The following KDM3B variants were observed in gnomAD, a reference collection of about 807,000 sequenced individuals.
The protein encoded by KDM3B is lysine demethylase 3B, also known as lysine-specific demethylase 3B.
In KDM3B, 10 loss-of-function variants were observed where a neutral mutation model predicts 170.0. The observed-to-expected ratio is 0.06, with a 90% CI of 0.04 to 0.10. KDM3B has a LOEUF of 0.10. Ranked by LOEUF, KDM3B falls within the 10% of genes least tolerant of loss-of-function variation. KDM3B has a pLI of 1.00. For synonymous variants in KDM3B, 831 were observed against 834.8 expected (o/e 1.00, Z 0.08); for missense variants, 1,394 against 2,195.2 (o/e 0.64, Z 7.29).
At chr5:138,423,829 TCTCGAGG>T (rs1763331469) in intron 15 of KDM3B, among the ~76,000 whole-genome samples, 1 of 152,232 alleles carries the variant, frequency 6.6e-6, no homozygotes, top group Non-Finnish European at 1.5e-5. Flanking sequence ...GTCTCAGATC[TCTCGAGG>T]CAAAAGGGAT....
chr5:138,419,482 G>A (rs984342559), intron 14 of KDM3B, among the ~76,000 whole-genome samples: 4 of 151,316 alleles, frequency 2.6e-5, no homozygotes, highest in Admixed American at 2.6e-4. Context: ...GTGAAACCCC[G>A]TCTCTACTAA....
At chr5:138,397,032 T>A (rs1171171276) in intron 9 of KDM3B, among the ~76,000 whole-genome samples, 2 of 151,834 alleles carry the variant, frequency 1.3e-5, no homozygotes, top group East Asian at 3.9e-4. Context: ...CAAACAGTTT[T>A]AAAAAATGAA....
Position 138,352,871 on chromosome 5 carries a change from G to T in KDM3B, c.76G>T (p.Ala26Ser), listed in dbSNP as rs1761361768. 2 of 1,377,632 alleles carry T rather than the reference G, an allele frequency of 1.5e-6. No individual in the cohort carries two copies. The highest frequency in any genetic ancestry group is 9.4e-7 in the Non-Finnish European group (1 of 1,062,490). 85.3% of individuals were successfully genotyped at this position (1,377,632 alleles called of 1,614,324 possible). A position where few individuals can be genotyped will look rare whatever the true frequency, so the allele number is the denominator to read the frequency against. The change falls in exon 1 of 24, where the codon GCC (alanine) becomes TCC (serine). Residue 26 changes from alanine to serine, a missense_variant. Ala to Ser is a moderately conservative substitution (Grantham distance 99). Coordinates refer to ENST00000314358, the MANE Select transcript of KDM3B (RefSeq NM_016604.4). ...LFADTAASAS[A>S]SAPAAAAASG... The stretch of plus-strand genomic sequence containing the variant: ...CGCGGACACTGCGGCCTCAGCCTCG[G>T]CCTCGGCTCCCGCGGCGGCAGCGGC...
chr5:138,391,896 GGCA>G lies in KDM3B; in HGVS notation c.2269_2271del (p.Gln757del). ...GAGGAGAGGCCAACTGTGGGGCCTG[GGCA>G]GCAGGACAATCCCCTCCTCAAAACC... On this transcript the variant is annotated inframe_deletion, in exon 8 of 24. Transcript: ENST00000314358. The surrounding 1 kb of genome is among the most constrained non-coding windows in gnomAD (Gnocchi z 5.0). The G allele has an allele frequency of 6.2e-7, 1 of 1,613,362 alleles. No homozygotes were observed. Among genetic ancestry groups the G allele is most frequent in the African/African-American group, 1.3e-5 (1 of 74,984 alleles).
At chr5:138,360,793 T>C (rs996950584) in intron 1 of KDM3B, among the ~76,000 whole-genome samples, 1 of 152,120 alleles carries the variant, frequency 6.6e-6, no homozygotes, top group Non-Finnish European at 1.5e-5. Flanking sequence ...GGTTTTACCA[T>C]GTTGGCCAGG....
chr5:138,382,980 G>A (rs1762163299), intron 6 of KDM3B, among the ~76,000 whole-genome samples: 1 of 151,984 alleles, frequency 6.6e-6, no homozygotes, highest in Admixed American at 6.6e-5. Context: ...ATAGAACTGG[G>A]GAGTACTGGT....
chr5:138,393,943 A>G (rs1409435458), intron 9 of KDM3B, among the ~76,000 whole-genome samples: 1 of 152,030 alleles, frequency 6.6e-6, no homozygotes, highest in East Asian at 1.9e-4. Context: ...AGTAAATCCA[A>G]ATGGTTTACC....
At chr5:138,398,145 C>T in intron 9 of KDM3B, 33 bp from the exon 10 acceptor site, 1 of 1,546,610 alleles carries the variant, frequency 6.5e-7, no homozygotes, top group South Asian at 1.2e-5. Context: ...TGCGTTGCTC[C>T]TGCGATTTAC....
At chr5:138,415,054 G>T in intron 11 of KDM3B, 78 bp from the exon 12 acceptor site, 1 of 932,080 alleles carries the variant, frequency 1.1e-6, no homozygotes, top group South Asian at 1.8e-5. Context: ...TTGGCCTTTG[G>T]GGTTCTGAAA....
intron 15 of KDM3B, among the ~76,000 whole-genome samples, chr5:138,422,880 C>A (rs1182219592): frequency 2.0e-5 from 3 of 152,114 alleles, no homozygotes; most frequent in African/African-American, 7.2e-5. Flanking sequence ...ATGGCTGAAA[C>A]GTGATGAACT....
intron 12 of KDM3B, among the ~76,000 whole-genome samples, chr5:138,416,817 A>G (rs1267659256): frequency 6.6e-6 from 1 of 152,046 alleles, no homozygotes; most frequent in Non-Finnish European, 1.5e-5. Flanking sequence ...AAAGTATACA[A>G]TTCCAAATGT....
At position 138,424,889 on chromosome 5, in the gene KDM3B, A is replaced by G. The variant is rs1763356922; in HGVS notation, c.4240-522A>G. ...CTGTGTTCTTAAAAAGGCAGTTGAA[A>G]TTTCTGTTAGGTGGTGATCTGGCAT... On this transcript the variant is annotated intron_variant, in intron 16 of 23. Transcript: ENST00000314358. Among the ~76,000 whole-genome samples the G allele has an allele frequency of 2.0e-5, 3 of 152,186 alleles. No individual in the cohort carries two copies. The South Asian group carries it at 6.2e-4, about 32-fold the overall frequency.
chr5:138,414,314 C>T (rs545434714), intron 11 of KDM3B, among the ~76,000 whole-genome samples: 4 of 152,224 alleles, frequency 2.6e-5, no homozygotes, highest in South Asian at 2.1e-4. Context: ...CACAGACAAC[C>T]GCCACCACAC....
At position 138,420,516 on chromosome 5, in the gene KDM3B, C is replaced by T. The variant is rs572400669; in HGVS notation, c.3716-190C>T. Reference sequence around the variant, plus strand: ...TGGTAAAGAAGTAGTAGGAGAGTTTCTCCTTGGCTGTGAGACCTCCTATAA... The same window carrying T: ...TGGTAAAGAAGTAGTAGGAGAGTTTTTCCTTGGCTGTGAGACCTCCTATAA... On this transcript the variant is annotated intron_variant, in intron 14 of 23. Coordinates refer to ENST00000314358, the MANE Select transcript of KDM3B (RefSeq NM_016604.4). 5.9e-5 allele frequency among the ~76,000 whole-genome samples: 9 copies of T among 152,292 alleles called. No individual in the cohort carries two copies. In the South Asian group the frequency reaches 1.9e-3, roughly 32 times the overall value.
intron 1 of KDM3B, among the ~76,000 whole-genome samples, chr5:138,366,094 C>T (rs1335070957): frequency 6.6e-6 from 1 of 150,934 alleles, no homozygotes; most frequent in Non-Finnish European, 1.5e-5. Context: ...TACTCACAAT[C>T]CCCTCCCCTC....
chr5:138,410,999 T>C (rs1762953677), intron 11 of KDM3B, among the ~76,000 whole-genome samples: 1 of 152,206 alleles, frequency 6.6e-6, no homozygotes, highest in Non-Finnish European at 1.5e-5. Flanking sequence ...TCCGGATAAC[T>C]GCGGGCAAGC....
intron 7 of KDM3B, among the ~76,000 whole-genome samples, chr5:138,388,317 C>A (rs1300104547): frequency 6.6e-6 from 1 of 151,884 alleles, no homozygotes; most frequent in African/African-American, 2.4e-5. Flanking sequence ...TTTGGTTCTT[C>A]TTCTAGGATA....
At chr5:138,389,091 T>C (rs1762356607) in intron 7 of KDM3B, among the ~76,000 whole-genome samples, 1 of 152,268 alleles carries the variant, frequency 6.6e-6, no homozygotes, top group Non-Finnish European at 1.5e-5. Flanking sequence ...CATGCAGGTA[T>C]CAAGGCTCCT....
At chr5:138,360,476 TTTCAGACAC>T (rs554006739) in intron 1 of KDM3B, among the ~76,000 whole-genome samples, 35 of 152,040 alleles carry the variant, frequency 2.3e-4, no homozygotes, top group Non-Finnish European at 5.1e-4. Flanking sequence ...TGGTTGAGTT[TTTCAGACAC>T]TCAAGCACTT....
Sources: allele counts gnomAD v4.1 joint callset (sites outside exome capture counted in the v4.1 genomes callset), GRCh38; gene constraint gnomAD v4.1.1; non-coding constraint Gnocchi (gnomAD v3.1); transcripts MANE v1.5; gene names NCBI Gene and HGNC (gene_info 2026-07-23, HGNC 2026-07-21).